The following PTPRD variants were observed in gnomAD, a reference collection of about 807,000 sequenced individuals.
PTPRD encodes the protein receptor-type tyrosine-protein phosphatase delta.
A neutral mutation model predicts 214.5 loss-of-function variants in PTPRD; 34 were observed. The observed-to-expected ratio is 0.16, with a 90% CI of 0.12 to 0.21. PTPRD has a LOEUF of 0.21. PTPRD is among the 10% of genes least tolerant of loss of function. The pLI is 1.00. For missense variants in PTPRD, 2,545 were observed against 2,398.7 expected, an observed-to-expected ratio of 1.06 and a Z score of -1.27; for synonymous variants, 1,128 against 845.7, an observed-to-expected ratio of 1.33 and a Z score of -5.79.
chr9:9,531,377 T>G (rs973024099), intron 8 of PTPRD, among the ~76,000 whole-genome samples: 1 of 152,084 alleles, frequency 6.6e-6, no homozygotes, highest in African/African-American at 2.4e-5. Context: ...CTATTAGTAA[T>G]TGGATAAGTG....
chr9:8,846,407 T>C (rs1263359737), intron 11 of PTPRD, among the ~76,000 whole-genome samples: 1 of 152,116 alleles, frequency 6.6e-6, no homozygotes, highest in African/African-American at 2.4e-5. Flanking sequence ...GACATGGACA[T>C]TGGCTTCCAG....
intron 6 of PTPRD, among the ~76,000 whole-genome samples, chr9:9,751,197 A>G (rs1028824396): frequency 6.6e-6 from 1 of 152,224 alleles, no homozygotes; most frequent in East Asian, 1.9e-4. Flanking sequence ...TTTTTACAAG[A>G]GTATCCCATT....
At chr9:9,050,700 T>TAGTC (rs59655899) in intron 10 of PTPRD, among the ~76,000 whole-genome samples, 141,884 of 151,958 alleles carry the variant, frequency 0.93, 66,989 homozygotes, top group East Asian at 1. Context: ...ACCTACCTCT[T>TAGTC]AGTAGCTGTC....
chr9:9,175,622 CAAAAAAAAAAAAAA>C (rs55707715), intron 10 of PTPRD, among the ~76,000 whole-genome samples: 4 of 45,274 alleles, frequency 8.8e-5, no homozygotes, highest in Non-Finnish European at 1.7e-4. Flanking sequence ...GACTCTGTCT[CAAAAAAAAAAAAAA>C]AAAAAAAAAA....
intron 8 of PTPRD, among the ~76,000 whole-genome samples, chr9:9,505,326 C>T (rs978530014): frequency 4.6e-5 from 7 of 151,476 alleles, no homozygotes; most frequent in African/African-American, 1.7e-4. Flanking sequence ...CATATCGTCA[C>T]GTCATTTTTC....
chr9:8,457,928 T>C (rs1177043781), intron 33 of PTPRD, among the ~76,000 whole-genome samples: 1 of 152,116 alleles, frequency 6.6e-6, no homozygotes, highest in African/African-American at 2.4e-5. Flanking sequence ...TAAAAGACAC[T>C]ATTCATTGGG....
chr9:8,913,084 T>C (rs554440622), intron 11 of PTPRD, among the ~76,000 whole-genome samples: 2 of 152,298 alleles, frequency 1.3e-5, no homozygotes, highest in Admixed American at 1.3e-4. Context: ...ATCACCTTTG[T>C]AATTCTCTTT....
At chr9:9,684,400 A>T (rs2097131702) in intron 7 of PTPRD, among the ~76,000 whole-genome samples, 1 of 151,714 alleles carries the variant, frequency 6.6e-6, no homozygotes, top group East Asian at 1.9e-4. Flanking sequence ...TGAACAACAG[A>T]TGTTAATTTT....
intron 12 of PTPRD, among the ~76,000 whole-genome samples, chr9:8,677,917 G>A (rs75928542): frequency 0.013 from 1,903 of 152,118 alleles, 25 homozygotes; most frequent in East Asian, 0.06. Context: ...TTTGATCTGT[G>A]GGGGGTCTTG....
At chr9:10,296,573 C>T (rs1596380845) in intron 3 of PTPRD, among the ~76,000 whole-genome samples, 2 of 152,062 alleles carry the variant, frequency 1.3e-5, no homozygotes, top group Non-Finnish European at 2.9e-5. Flanking sequence ...CTGCAGCACC[C>T]GATTAAAGCC....
At chr9:10,005,079 G>A (rs984422855) in intron 4 of PTPRD, among the ~76,000 whole-genome samples, 1 of 151,976 alleles carries the variant, frequency 6.6e-6, no homozygotes, top group African/African-American at 2.4e-5. Context: ...AGTGTAAAAC[G>A]TGGACACTAT....
At chr9:9,535,899 A>G (rs2076423531) in intron 8 of PTPRD, among the ~76,000 whole-genome samples, 1 of 152,100 alleles carries the variant, frequency 6.6e-6, no homozygotes, top group African/African-American at 2.4e-5. Context: ...CAATTCCTCA[A>G]AAACATTTTC....
At chr9:8,614,965 T>C (rs2095562898) in intron 14 of PTPRD, among the ~76,000 whole-genome samples, 1 of 152,172 alleles carries the variant, frequency 6.6e-6, no homozygotes, top group Non-Finnish European at 1.5e-5. Context: ...AGCCCACTCT[T>C]GAGACTTCTT....
chr9:8,808,978 A>G (rs1400312645), intron 11 of PTPRD, among the ~76,000 whole-genome samples: 1 of 152,202 alleles, frequency 6.6e-6, no homozygotes, highest in East Asian at 1.9e-4. Context: ...TTAAGCAAAA[A>G]AAAAGTAGCC....
Position 8,317,136 on chromosome 9 carries a change from G to A in PTPRD, c.*738C>T, listed in dbSNP as rs1243430516. On this transcript the variant is annotated 3_prime_UTR_variant, in exon 46 of 46. Transcript: ENST00000381196. ...TAATATATCTGACGAGACTGATACTGTAGATTGAGTTTTGCACAAAAATGT... is the reference window on the plus strand; with the variant it reads ...TAATATATCTGACGAGACTGATACTATAGATTGAGTTTTGCACAAAAATGT... 3 of 231,734 alleles carry A rather than the reference G, an allele frequency of 1.3e-5. No homozygotes were observed. Among genetic ancestry groups the A allele is most frequent in the Non-Finnish European group, 1.7e-5 (2 of 116,936 alleles). The allele number at this position is 231,734 out of a possible 1,614,324, so 14.4% of individuals were successfully genotyped here. A position where few individuals can be genotyped will look rare whatever the true frequency, so the allele number is the denominator to read the frequency against.
intron 10 of PTPRD, among the ~76,000 whole-genome samples, chr9:9,072,411 C>T (rs1380648670): frequency 1.3e-5 from 2 of 151,816 alleles, no homozygotes; most frequent in Non-Finnish European, 2.9e-5. Flanking sequence ...CATTTGGAAG[C>T]CAATGTTGTA....
intron 10 of PTPRD, among the ~76,000 whole-genome samples, chr9:9,022,565 T>G (rs1041952666): frequency 1.3e-5 from 2 of 152,162 alleles, no homozygotes; most frequent in African/African-American, 4.8e-5. Flanking sequence ...AAGTTTGTAG[T>G]AGGTTGAGCC....
chr9:8,633,549 G>C, intron 13 of PTPRD, 91 bp from the exon 14 acceptor site: 1 of 1,421,940 alleles, frequency 7.0e-7, no homozygotes, highest in Non-Finnish European at 9.6e-7. Context: ...TCCGCCATTA[G>C]GCTCATAATA....
At chr9:10,322,576 TAA>T (rs1368471027) in intron 3 of PTPRD, among the ~76,000 whole-genome samples, 3 of 152,210 alleles carry the variant, frequency 2.0e-5, no homozygotes, top group African/African-American at 7.2e-5. Context: ...CCTTAATATA[TAA>T]GTTTGCTATT....
Sources: allele counts gnomAD v4.1 joint callset (sites outside exome capture counted in the v4.1 genomes callset), GRCh38; gene constraint gnomAD v4.1.1; transcripts MANE v1.5; gene names NCBI Gene and HGNC (gene_info 2026-07-23, HGNC 2026-07-21).